TPD52: variants seen among roughly 807,000 people sequenced by gnomAD.
TPD52 encodes tumor protein D52, also known as prostate and colon associated protein.
TPD52 carries 17 observed loss-of-function variants against 31.3 expected under a neutral mutation model. The ratio of observed to expected loss-of-function variants is 0.54; its 90% CI spans 0.37 to 0.82. The LOEUF (loss-of-function observed/expected upper bound fraction) is 0.82, where lower values mean the gene tolerates loss of function less well. TPD52 is among the 40% of genes least tolerant of loss of function. The probability of loss-of-function intolerance (pLI) is 0.00; values close to 1 mark genes in which losing one functional copy is unlikely to be tolerated. For synonymous variants in TPD52, 83 were observed against 89.6 expected (o/e 0.93, Z 0.42); for missense variants, 212 against 240.1 (o/e 0.88, Z 0.77).
At chr8:80,096,790 C>T (rs1220055491) in intron 1 of TPD52, among the ~76,000 whole-genome samples, 2 of 152,148 alleles carry the variant, frequency 1.3e-5, no homozygotes, top group African/African-American at 2.4e-5. Flanking sequence ...ATCTCTCTCC[C>T]TCTCCTCAGG....
At chr8:80,105,365 TACAG>T (rs1807028513) in intron 1 of TPD52, among the ~76,000 whole-genome samples, 2 of 152,186 alleles carry the variant, frequency 1.3e-5, no homozygotes, top group South Asian at 4.1e-4. Flanking sequence ...ATCTATAGAT[TACAG>T]ACATTGTATG....
intron 1 of TPD52, among the ~76,000 whole-genome samples, chr8:80,116,424 C>T (rs1240842025): frequency 1.3e-5 from 2 of 150,042 alleles, no homozygotes; most frequent in Non-Finnish European, 3.0e-5. Context: ...TGACAAATTC[C>T]TAGAAAGACA....
rs1484546324 is a variant in TPD52 at position 80,061,385 on chromosome 8, C to CCA, written c.135+3092_135+3093insTG. On this transcript the variant is annotated intron_variant, in intron 2 of 7. Coordinates refer to ENST00000518937, the MANE Select transcript of TPD52 (RefSeq NM_001025253.3). ...ATACCTTCCCCCCCACCGCCCCCCCCAAAAAAAAAAGAATCCACAAAAAAA... is the reference window on the plus strand; with the variant it reads ...ATACCTTCCCCCCCACCGCCCCCCCCCAAAAAAAAAAAGAATCCACAAAAAAA... Among the ~76,000 whole-genome samples, 105 of 102,126 alleles carry CCA rather than the reference C, an allele frequency of 1.0e-3. 2 individuals are homozygous for CCA. Among genetic ancestry groups the CCA allele is most frequent in the Non-Finnish European group, 1.0e-3 (52 of 50,692 alleles). The allele number at this position is 102,126 out of a possible 152,430, so 67.0% of individuals were successfully genotyped here.
chr8:80,139,372 A>G (rs1042026258), intron 1 of TPD52, among the ~76,000 whole-genome samples: 3 of 152,158 alleles, frequency 2.0e-5, no homozygotes, highest in African/African-American at 7.2e-5. Context: ...TACCCCAAAA[A>G]GAAACCCACA....
intron 1 of TPD52, chr8:80,080,458 G>T (rs2130825202): frequency 6.2e-7 from 1 of 1,613,774 alleles, no homozygotes; most frequent in East Asian, 2.2e-5. Flanking sequence ...ATCCATTCCA[G>T]ACAAACGCAG....
intron 1 of TPD52, among the ~76,000 whole-genome samples, chr8:80,121,716 G>A (rs1808269881): frequency 1.3e-5 from 2 of 152,004 alleles, no homozygotes; most frequent in South Asian, 2.1e-4. Flanking sequence ...TCCAAGCCCA[G>A]GCCTAACCAA....
chr8:80,080,391 T>C (rs751657969), intron 1 of TPD52: 6 of 1,614,096 alleles, frequency 3.7e-6, no homozygotes, highest in Non-Finnish European at 5.1e-6. Context: ...TTTTGTTCAC[T>C]CCTGCATCAA....
intron 1 of TPD52, among the ~76,000 whole-genome samples, chr8:80,109,104 G>A (rs913383834): frequency 6.6e-6 from 1 of 152,160 alleles, no homozygotes; most frequent in African/African-American, 2.4e-5. Flanking sequence ...CAGTGAGTGA[G>A]TAAAAGCTAT....
chr8:80,042,134 G>T, intron 7 of TPD52: 1 of 951,020 alleles, frequency 1.1e-6, no homozygotes, highest in Non-Finnish European at 1.3e-6. Flanking sequence ...ACATAATATT[G>T]AAAGAGAATA....
In TPD52 at chr8:80,042,341, T is replaced by C. The variant is rs76193783; in HGVS notation, c.504+279A>G. ...TGTCCACCTACAAAGGTACTTGAAA[T>C]GAATAAAGCAAAAAGCAGCACAAAT... On this transcript the variant is annotated intron_variant, in intron 7 of 7. Coordinates refer to ENST00000518937, the MANE Select transcript of TPD52 (RefSeq NM_001025253.3). 1.2e-3 allele frequency: 1,195 copies of C among 985,436 alleles called. 9 individuals carry two copies. The African/African-American group carries it at 0.02, about 16-fold the overall frequency. The allele number at this position is 985,436 out of a possible 1,614,324, so 61.0% of individuals were successfully genotyped here. A position where few individuals can be genotyped will look rare whatever the true frequency, so the allele number is the denominator to read the frequency against.
intron 7 of TPD52, among the ~76,000 whole-genome samples, chr8:80,038,835 T>G (rs1810110630): frequency 6.6e-6 from 1 of 152,232 alleles, no homozygotes; most frequent in African/African-American, 2.4e-5. Context: ...ATCCCTGAGT[T>G]GTTCATGTGC....
downstream of TPD52, among the ~76,000 whole-genome samples, chr8:80,034,514 G>A (rs1168969461): frequency 6.6e-6 from 1 of 152,208 alleles, no homozygotes; most frequent in Non-Finnish European, 1.5e-5. Flanking sequence ...TACCGGTTGG[G>A]AAGCTATTAG....
At chr8:80,058,721 C>G (rs1169263464) in intron 2 of TPD52, among the ~76,000 whole-genome samples, 1 of 152,168 alleles carries the variant, frequency 6.6e-6, no homozygotes, top group Non-Finnish European at 1.5e-5. Context: ...TCGCTTGAAC[C>G]TGGGAGGCAG....
chr8:80,084,582 C>T (rs1230548565), intron 1 of TPD52, among the ~76,000 whole-genome samples: 1 of 152,228 alleles, frequency 6.6e-6, no homozygotes, highest in East Asian at 1.9e-4. Context: ...CCCCTGCCTC[C>T]AGCTACCCTG....
chr8:80,036,073 G>A lies in TPD52; in HGVS notation c.*2043C>T, dbSNP rs886639236. The A allele has an allele frequency of 1.3e-5, 2 of 152,054 alleles. No individual in the cohort carries two copies. Among genetic ancestry groups the A allele is most frequent in the Non-Finnish European group, 2.9e-5 (2 of 67,996 alleles). The allele number at this position is 152,054 out of a possible 1,614,324, so 9.4% of individuals were successfully genotyped here. A position where few individuals can be genotyped will look rare whatever the true frequency, so the allele number is the denominator to read the frequency against. ...TAGATTAAGTATAGGTAGATGTCTAGAAAAGTGATTCTCCATTATTTTCTT... is the reference window on the plus strand; with the variant it reads ...TAGATTAAGTATAGGTAGATGTCTAAAAAAGTGATTCTCCATTATTTTCTT... On this transcript the variant is annotated 3_prime_UTR_variant, in exon 8 of 8. Transcript: ENST00000518937.
intron 1 of TPD52, among the ~76,000 whole-genome samples, chr8:80,147,817 C>T (rs1003149681): frequency 9.2e-5 from 14 of 151,892 alleles, no homozygotes; most frequent in Non-Finnish European, 4.4e-5. Context: ...TGTGCACACA[C>T]ACATACATAC....
At chr8:80,080,685 G>A in intron 1 of TPD52, 2 of 1,225,456 alleles carry the variant, frequency 1.6e-6, no homozygotes, top group East Asian at 3.3e-5. Flanking sequence ...GCAACCTTAG[G>A]AGGGGCTCTA....
chr8:80,163,277 G>A (rs981180240), intron 1 of TPD52, among the ~76,000 whole-genome samples: 8 of 152,134 alleles, frequency 5.3e-5, no homozygotes, highest in Admixed American at 2.6e-4. Context: ...ACATACAATG[G>A]AATATTATTC....
chr8:80,081,529 A>C (rs1011325787), intron 1 of TPD52, among the ~76,000 whole-genome samples: 1 of 152,174 alleles, frequency 6.6e-6, no homozygotes, highest in East Asian at 1.9e-4. Context: ...TGCATAACAA[A>C]AAAAAAGGCA....
Sources: gnomAD v4.1 joint callset for allele counts (sites outside exome capture counted in the v4.1 genomes callset) on GRCh38, gnomAD v4.1.1 for gene constraint, MANE v1.5 for transcripts, NCBI Gene and HGNC (gene_info 2026-07-23, HGNC 2026-07-21) for gene names.